BTBD8: variants seen among roughly 807,000 people sequenced by gnomAD.
The protein encoded by BTBD8 is BTB/POZ domain-containing protein 8.
Under a neutral mutation model 162.9 loss-of-function variants are expected in BTBD8, and 110 were observed. The ratio of observed to expected loss-of-function variants is 0.68; its 90% CI spans 0.58 to 0.79. The LOEUF (loss-of-function observed/expected upper bound fraction) is 0.79, where lower values mean the gene tolerates loss of function less well. Among genes scored for constraint, BTBD8 ranks in the 30% least tolerant of loss-of-function variants. The pLI is 0.00. For missense variants in BTBD8, 1,905 were observed against 2,085.4 expected (o/e 0.91, Z 1.68); for synonymous variants, 667 against 716.1 (o/e 0.93, Z 1.10).
chr1:92,102,615 A>G lies in BTBD8; in HGVS notation c.490A>G (p.Lys164Glu). Residue 164 changes from lysine (K) to glutamate (E), a missense_variant, in exon 3 of 18, where the codon AAG becomes GAG. By Grantham distance (56) the Lys-to-Glu change is moderately conservative. Around this residue, in one of 3 missense-constraint regions of BTBD8, gnomAD observed 1,374 missense variants for 1,442.7 expected, o/e 0.95. Transcript: ENST00000636805. ...CENSSDCSLQ[K>E]HEIPEDISDR... is the part of the protein sequence containing the mutation. ...AAACTCATCTGATTGTTCTCTTCAG[A>G]AGCATGAAATTCCAGAGGATATCAG... The G allele has an allele frequency of 6.4e-7, 1 of 1,562,798 alleles. No individual in the cohort carries two copies. The highest frequency in any genetic ancestry group is 1.2e-5 in the South Asian group (1 of 80,400).
At chr1:92,101,236 A>G (rs1303435317) in intron 2 of BTBD8, among the ~76,000 whole-genome samples, 3 of 152,062 alleles carry the variant, frequency 2.0e-5, no homozygotes, top group African/African-American at 7.3e-5. Flanking sequence ...GAATATTCTG[A>G]GTTGTCATTT....
At chr1:92,135,094 T>A (rs945824858) in intron 5 of BTBD8, among the ~76,000 whole-genome samples, 3 of 151,970 alleles carry the variant, frequency 2.0e-5, no homozygotes, top group Non-Finnish European at 4.4e-5. Flanking sequence ...TTTCTCCATG[T>A]TGATCAGGCT....
intron 4 of BTBD8, among the ~76,000 whole-genome samples, chr1:92,108,291 G>T (rs1051227528): frequency 1.3e-5 from 2 of 152,176 alleles, no homozygotes; most frequent in Non-Finnish European, 2.9e-5. Context: ...GTTCTGCATT[G>T]GGCATGAACC....
Position 92,080,454 on chromosome 1 carries a change from C to T in BTBD8, c.-118C>T. The stretch of plus-strand genomic sequence containing the variant: ...CGACGAGAGGCGTCAACCTTTTACC[C>T]TAGGGGGCGGATTTGGGTAGGAGCC... On this transcript the variant is annotated 5_prime_UTR_variant, in exon 1 of 18. Coordinates refer to ENST00000636805, the MANE Select transcript of BTBD8 (RefSeq NM_001376131.1). The T allele has an allele frequency of 6.9e-7, 1 of 1,455,160 alleles. No individual in the cohort carries two copies. The highest frequency in any genetic ancestry group is 9.2e-7 in the Non-Finnish European group (1 of 1,088,912). The allele number at this position is 1,455,160 out of a possible 1,614,324, so 90.1% of individuals were successfully genotyped here.
At chr1:92,174,504 C>A (rs1182915176) in intron 13 of BTBD8, among the ~76,000 whole-genome samples, 1 of 151,960 alleles carries the variant, frequency 6.6e-6, no homozygotes, top group East Asian at 1.9e-4. Context: ...TCACCCATAG[C>A]GTAATACTTC....
At chr1:92,172,861 G>A (rs1447114528) in intron 13 of BTBD8, among the ~76,000 whole-genome samples, 3 of 152,142 alleles carry the variant, frequency 2.0e-5, no homozygotes, top group East Asian at 3.9e-4. Flanking sequence ...TCCAAAGTGG[G>A]TTTCACAAGA....
chr1:92,120,359 C>G (rs1293548798), intron 4 of BTBD8, among the ~76,000 whole-genome samples: 1 of 152,148 alleles, frequency 6.6e-6, no homozygotes, highest in Non-Finnish European at 1.5e-5. Flanking sequence ...GGGGCAGTAA[C>G]GGACATGGAG....
At chr1:92,144,317 A>G (rs1182414095) in intron 7 of BTBD8, among the ~76,000 whole-genome samples, 1 of 152,084 alleles carries the variant, frequency 6.6e-6, no homozygotes, top group Non-Finnish European at 1.5e-5. Context: ...CTTAAATATC[A>G]TAAACTTATA....
At chr1:92,116,099 C>G (rs1420769967) in intron 4 of BTBD8, among the ~76,000 whole-genome samples, 2 of 151,890 alleles carry the variant, frequency 1.3e-5, no homozygotes, top group African/African-American at 4.8e-5. Context: ...TCTTCTTTAC[C>G]CATGGGTTGT....
chr1:92,084,188 T>C (rs1166015710), intron 1 of BTBD8, among the ~76,000 whole-genome samples: 2 of 152,218 alleles, frequency 1.3e-5, no homozygotes, highest in Non-Finnish European at 2.9e-5. Context: ...CCTGGCTTCA[T>C]TCATCTGTGC....
intron 17 of BTBD8, among the ~76,000 whole-genome samples, chr1:92,183,531 T>C (rs908545110): frequency 6.6e-6 from 1 of 152,262 alleles, no homozygotes; most frequent in Admixed American, 6.5e-5. Flanking sequence ...TCTTTTTTTT[T>C]TCTCTTTTTC....
intron 4 of BTBD8, among the ~76,000 whole-genome samples, chr1:92,114,518 AT>A (rs571589814): frequency 6.6e-6 from 1 of 151,946 alleles, no homozygotes; most frequent in African/African-American, 2.4e-5. Flanking sequence ...AGCACACATA[AT>A]TTTTTTTATC....
At position 92,176,912 on chromosome 1, in the gene BTBD8, C is replaced by A; in HGVS notation, c.1719C>A (p.Leu573=). The A allele has an allele frequency of 6.5e-7, 1 of 1,537,134 alleles. No homozygotes were observed. Among genetic ancestry groups the A allele is most frequent in the South Asian group, 1.2e-5 (1 of 81,520 alleles). The change falls in exon 14 of 18, where the codon CTC becomes CTA. Residue 573 remains leucine, a synonymous_variant. Transcript: ENST00000636805. ...GNNKKECWSY[L]STNKKMKSDG... is the part of the protein sequence containing the mutation. ...ACAAGAAAGAGTGTTGGAGTTATCT[C>A]TCTACTAATAAAAAGATGAAATCTG...
At chr1:92,083,026 C>T (rs1368076490) in intron 1 of BTBD8, among the ~76,000 whole-genome samples, 1 of 151,798 alleles carries the variant, frequency 6.6e-6, no homozygotes, top group Non-Finnish European at 1.5e-5. Context: ...GTCCCAGCTA[C>T]TTGGGAGGCT....
intron 7 of BTBD8, among the ~76,000 whole-genome samples, chr1:92,142,273 A>G (rs1278990454): frequency 6.6e-6 from 1 of 152,236 alleles, no homozygotes; most frequent in Non-Finnish European, 1.5e-5. Context: ...TGTCTCCCTC[A>G]TATTTCCAGC....
At chr1:92,150,505 T>C (rs1045508580) in intron 9 of BTBD8, 3 of 152,240 alleles carry the variant, frequency 2.0e-5, no homozygotes, top group Non-Finnish European at 4.4e-5. Flanking sequence ...ACTGCATCGC[T>C]TATTGTCATA....
Position 92,080,474 on chromosome 1 carries a change from G to T in BTBD8, c.-98G>T. The T allele has an allele frequency of 6.5e-7, 1 of 1,537,980 alleles. No individual in the cohort carries two copies. Among genetic ancestry groups the T allele is most frequent in the Non-Finnish European group, 8.7e-7 (1 of 1,146,164 alleles). On this transcript the variant is annotated 5_prime_UTR_variant, in exon 1 of 18. It adds an upstream start codon to the 5' untranslated region. Coordinates refer to ENST00000636805, the MANE Select transcript of BTBD8 (RefSeq NM_001376131.1). ...TTACCCTAGGGGGCGGATTTGGGTA[G>T]GAGCCGAGCGTTCGGTCGGAAACGC...
intron 12 of BTBD8, 89 bp from the exon 13 acceptor site, chr1:92,171,310 C>A: frequency 1.1e-6 from 1 of 934,444 alleles, no homozygotes. Context: ...CAAAATATAA[C>A]CTTTTTTCTA....
At chr1:92,085,959 C>T (rs551267962) in intron 1 of BTBD8, among the ~76,000 whole-genome samples, 13 of 152,260 alleles carry the variant, frequency 8.5e-5, no homozygotes, top group Admixed American at 5.2e-4. Context: ...TGGAAGCCCA[C>T]GCTGTTTATT....
Sources: gnomAD v4.1 joint callset for allele counts (sites outside exome capture counted in the v4.1 genomes callset) on GRCh38, gnomAD v4.1.1 for gene constraint, gnomAD v4.1.1 regional missense constraint, MANE v1.5 for transcripts, NCBI Gene and HGNC (gene_info 2026-07-23, HGNC 2026-07-21) for gene names.